Variants in CSMD1 observed in about 807,000 individuals in gnomAD.
CSMD1 encodes the protein CUB and sushi domain-containing protein 1.
A neutral mutation model predicts 417.5 loss-of-function variants in CSMD1; 213 were observed. The observed-to-expected ratio is 0.51, with a 90% CI of 0.46 to 0.57. The LOEUF is 0.57. CSMD1 is among the 20% of genes least tolerant of loss of function. The pLI, the probability that CSMD1 is intolerant of heterozygous loss-of-function variation, is 0.00. For synonymous variants in CSMD1, 2,862 were observed against 1,736.8 expected (o/e 1.65, Z -16.11); for missense variants, 6,923 against 4,529.7 (o/e 1.53, Z -15.17).
chr8:4,767,869 A>C (rs1224797089), intron 1 of CSMD1, among the ~76,000 whole-genome samples: 1 of 152,054 alleles, frequency 6.6e-6, no homozygotes, highest in Non-Finnish European at 1.5e-5. Context: ...TGATGCTACT[A>C]GCTAGTTTAC....
chr8:4,425,396 A>T (rs865973942), intron 2 of CSMD1, among the ~76,000 whole-genome samples: 5,356 of 145,934 alleles, frequency 0.037, 310 homozygotes, highest in African/African-American at 0.13. Flanking sequence ...AAAAAAAAAA[A>T]ATAGAGTCCA....
chr8:4,471,372 T>A (rs574673319), intron 2 of CSMD1, among the ~76,000 whole-genome samples: 1 of 152,308 alleles, frequency 6.6e-6, no homozygotes, highest in African/African-American at 2.4e-5. Flanking sequence ...TGGGTTAGAC[T>A]ATTTCTAATT....
At chr8:4,968,861 G>C (rs147065754) in intron 1 of CSMD1, among the ~76,000 whole-genome samples, 3,191 of 152,240 alleles carry the variant, frequency 0.021, 50 homozygotes, top group Non-Finnish European at 0.033. Flanking sequence ...ACACCGCTTA[G>C]TGCTACACAC....
In CSMD1 at chr8:4,893,923, A is replaced by C. The variant is rs747175468; in HGVS notation, c.85+100409T>G. Among the ~76,000 whole-genome samples the C allele has an allele frequency of 1.3e-5, 2 of 152,128 alleles. 1 individual carries two copies. Among genetic ancestry groups the C allele is most frequent in the African/African-American group, 4.8e-5 (2 of 41,382 alleles). ...GGGGGCGGGGCAATGTCTTTTTCGCAAAATGTTGGTTTAAATGTTGTAAAG... is the reference window on the plus strand; with the variant it reads ...GGGGGCGGGGCAATGTCTTTTTCGCCAAATGTTGGTTTAAATGTTGTAAAG... On this transcript the variant is annotated intron_variant, in intron 1 of 69. Transcript: ENST00000635120.
intron 7 of CSMD1, among the ~76,000 whole-genome samples, chr8:3,648,721 G>C (rs888832733): frequency 6.6e-5 from 10 of 152,150 alleles, no homozygotes; most frequent in Admixed American, 1.3e-4. Flanking sequence ...ATCATTTACA[G>C]AAGTTACATG....
intron 8 of CSMD1, among the ~76,000 whole-genome samples, chr8:3,607,067 C>T (rs1217291637): frequency 6.6e-6 from 1 of 152,166 alleles, no homozygotes. Context: ...GTTTAAGACA[C>T]AAACACATAG....
intron 3 of CSMD1, among the ~76,000 whole-genome samples, chr8:4,355,045 G>A (rs536094913): frequency 4.6e-5 from 7 of 151,810 alleles, no homozygotes; most frequent in Admixed American, 2.6e-4. Context: ...GGCGGATGAC[G>A]AGGTCAGGAG....
At chr8:4,949,898 T>C (rs549677207) in intron 1 of CSMD1, among the ~76,000 whole-genome samples, 1 of 140,122 alleles carries the variant, frequency 7.1e-6, no homozygotes, top group Non-Finnish European at 1.6e-5. Flanking sequence ...CTCCAATTAC[T>C]TTTGCACCAA....
Position 3,542,801 on chromosome 8 carries a change from G to A in CSMD1, c.1344+32144C>T, listed in dbSNP as rs569038424. 2.6e-5 allele frequency among the ~76,000 whole-genome samples: 4 copies of A among 152,288 alleles called. No individual in the cohort carries two copies. In the East Asian group the frequency reaches 5.8e-4, roughly 22 times the overall value. On this transcript the variant is annotated intron_variant, in intron 10 of 69. Transcript: ENST00000635120. ...CTTTCCCCAGGACAGGATATCCTTCGATGCTTTAGCTAAGCAAGATCCATA... is the reference window on the plus strand; with the variant it reads ...CTTTCCCCAGGACAGGATATCCTTCAATGCTTTAGCTAAGCAAGATCCATA...
chr8:3,357,843 C>G (rs1250340634), intron 21 of CSMD1, among the ~76,000 whole-genome samples: 1 of 152,026 alleles, frequency 6.6e-6, no homozygotes, highest in African/African-American at 2.4e-5. Context: ...ACAGTAAGAA[C>G]CATTATTTTA....
intron 3 of CSMD1, among the ~76,000 whole-genome samples, chr8:4,203,229 C>T (rs1187429028): frequency 6.6e-6 from 1 of 152,120 alleles, no homozygotes; most frequent in Non-Finnish European, 1.5e-5. Flanking sequence ...AGAAAGAAGG[C>T]CACAAGCTCA....
chr8:3,391,631 C>T (rs1347531829), intron 17 of CSMD1, among the ~76,000 whole-genome samples: 1 of 152,154 alleles, frequency 6.6e-6, no homozygotes, highest in Admixed American at 6.5e-5. Flanking sequence ...TTTGCTTTTA[C>T]AAAAGCCTCA....
chr8:3,325,160 T>A (rs978372288), intron 23 of CSMD1, among the ~76,000 whole-genome samples: 8 of 152,228 alleles, frequency 5.3e-5, no homozygotes, highest in African/African-American at 1.9e-4. Flanking sequence ...CAGCATGACC[T>A]GTGACCCCTT....
At chr8:3,615,984 C>T (rs1156627013) in intron 8 of CSMD1, among the ~76,000 whole-genome samples, 1 of 152,110 alleles carries the variant, frequency 6.6e-6, no homozygotes, top group African/African-American at 2.4e-5. Flanking sequence ...GTATCTAGTT[C>T]ACCATAATCC....
chr8:4,020,566 G>A (rs944124964), intron 4 of CSMD1, among the ~76,000 whole-genome samples: 4 of 152,174 alleles, frequency 2.6e-5, no homozygotes, highest in African/African-American at 9.7e-5. Context: ...CCAAGATGGA[G>A]AAGTCTGAGA....
At chr8:4,050,157 C>T (rs950920471) in intron 3 of CSMD1, among the ~76,000 whole-genome samples, 1 of 152,084 alleles carries the variant, frequency 6.6e-6, no homozygotes, top group Non-Finnish European at 1.5e-5. Context: ...GCCAGGGACA[C>T]GCATCATCAG....
intron 1 of CSMD1, among the ~76,000 whole-genome samples, chr8:4,822,429 C>T (rs1585159602): frequency 6.6e-6 from 1 of 151,920 alleles, no homozygotes; most frequent in Non-Finnish European, 1.5e-5. Context: ...AATCTATATG[C>T]CTTTAAGAGG....
At chr8:4,568,097 AATACTC>A (rs1198229360) in intron 2 of CSMD1, among the ~76,000 whole-genome samples, 2 of 152,204 alleles carry the variant, frequency 1.3e-5, no homozygotes, top group African/African-American at 2.4e-5. Flanking sequence ...ATAAAAATAA[AATACTC>A]ATATTCAAAA....
At chr8:4,271,965 C>T (rs966441645) in intron 3 of CSMD1, among the ~76,000 whole-genome samples, 12 of 152,150 alleles carry the variant, frequency 7.9e-5, no homozygotes, top group African/African-American at 2.7e-4. Flanking sequence ...TGGGCAAAGT[C>T]AGCCCTCCCT....
Sources: allele counts gnomAD v4.1 joint callset (sites outside exome capture counted in the v4.1 genomes callset), GRCh38; gene constraint gnomAD v4.1.1; transcripts MANE v1.5; gene names NCBI Gene and HGNC (gene_info 2026-07-23, HGNC 2026-07-21).